Variants in SUPT16H observed in about 807,000 individuals in gnomAD.
SUPT16H encodes FACT complex subunit SPT16.
Under a neutral mutation model 136.2 loss-of-function variants are expected in SUPT16H, and 24 were observed. That is an observed-to-expected ratio of 0.18 (90% CI 0.13 to 0.25). The LOEUF (loss-of-function observed/expected upper bound fraction) is 0.25, where lower values mean the gene tolerates loss of function less well. Among genes scored for constraint, SUPT16H ranks in the 10% least tolerant of loss-of-function variants. The pLI is 1.00. For synonymous variants in SUPT16H, 415 were observed against 428.2 expected (o/e 0.97, Z 0.38); for missense variants, 623 against 1,270.2 (o/e 0.49, Z 7.74).
intron 1 of SUPT16H, among the ~76,000 whole-genome samples, chr14:21,374,876 A>T (rs943189822): frequency 1.3e-5 from 2 of 152,232 alleles, no homozygotes; most frequent in African/African-American, 2.4e-5. Context: ...AGGAATCATC[A>T]GACTGTTTGT....
intron 15 of SUPT16H, among the ~76,000 whole-genome samples, chr14:21,361,608 T>C (rs550848257): frequency 1.1e-4 from 16 of 152,240 alleles, no homozygotes; most frequent in Admixed American, 2.0e-4. Context: ...TGAGCCACCA[T>C]GCATGCCCAT....
At chr14:21,370,648 A>C (rs940271005) in intron 3 of SUPT16H, among the ~76,000 whole-genome samples, 160 bp from the exon 4 acceptor site, 1 of 152,126 alleles carries the variant, frequency 6.6e-6, no homozygotes, top group Non-Finnish European at 1.5e-5. Context: ...GTCTTGTTCT[A>C]CTACCCCCAG....
chr14:21,354,375 ACT>A, intron 23 of SUPT16H, 34 bp downstream of exon 23: 2 of 1,610,542 alleles, frequency 1.2e-6, no homozygotes, highest in South Asian at 2.2e-5. Flanking sequence ...AGCGGGCAAC[ACT>A]GTGTACCAGA....
intron 15 of SUPT16H, among the ~76,000 whole-genome samples, 167 bp downstream of exon 15, chr14:21,362,030 C>A (rs928531766): frequency 6.6e-6 from 1 of 152,118 alleles, no homozygotes; most frequent in Admixed American, 6.6e-5. Context: ...AAATTGGGAT[C>A]CATCCTGAAA....
chr14:21,368,357 A>G lies in SUPT16H; in HGVS notation c.867T>C (p.Thr289=). 6.2e-7 allele frequency: 1 copy of G among 1,614,132 alleles called. No homozygotes were observed. The highest frequency in any genetic ancestry group is 8.5e-7 in the Non-Finnish European group (1 of 1,180,006). The change falls in exon 7 of 26, where the codon ACT becomes ACC. Residue 289 remains threonine, a synonymous_variant. Transcript: ENST00000216297. ...CTTCTTGAGAAGGATCAACCATCAA[A>G]GTGCGAACAAGGTTGGAGCAGTAAG... ...FKSYCSNLVR[T]LMVDPSQEVQ...
chr14:21,359,648 C>T, intron 18 of SUPT16H, 39 bp from the exon 19 acceptor site: 3 of 1,602,534 alleles, frequency 1.9e-6, no homozygotes, highest in Non-Finnish European at 2.6e-6. Context: ...AAGTCAGAAA[C>T]ACAAAGGTAT....
At chr14:21,380,792 G>A (rs1408493477) in intron 1 of SUPT16H, among the ~76,000 whole-genome samples, 1 of 152,022 alleles carries the variant, frequency 6.6e-6, no homozygotes, top group Non-Finnish European at 1.5e-5. Context: ...GATATGCCTG[G>A]ATATTGTACC....
At chr14:21,357,876 CTTTAT>C (rs1325859362) in intron 21 of SUPT16H, 46 bp downstream of exon 21, 9 of 1,536,006 alleles carry the variant, frequency 5.9e-6, no homozygotes, top group Non-Finnish European at 7.2e-6. Flanking sequence ...ACCTATCCTT[CTTTAT>C]TTTCTCTAAC....
At chr14:21,366,996 A>G (rs1886685221) in intron 7 of SUPT16H, among the ~76,000 whole-genome samples, 1 of 151,950 alleles carries the variant, frequency 6.6e-6, no homozygotes, top group Non-Finnish European at 1.5e-5. Flanking sequence ...GCTGGAGTGC[A>G]GTGGCGTGAT....
At chr14:21,370,937 G>C (rs948843501) in intron 3 of SUPT16H, among the ~76,000 whole-genome samples, 3 of 151,960 alleles carry the variant, frequency 2.0e-5, no homozygotes, top group Admixed American at 6.6e-5. Flanking sequence ...CAACATGCCC[G>C]GCTAATTTTT....
chr14:21,378,858 T>G lies in SUPT16H; in HGVS notation c.66+5004A>C, dbSNP rs573351332. 4.6e-5 allele frequency among the ~76,000 whole-genome samples: 7 copies of G among 152,332 alleles called. No individual in the cohort carries two copies. The South Asian group carries it at 1.4e-3, about 32-fold the overall frequency. ...TTAAAAAACTATATCTATTACTGAT[T>G]AAAATAATTTTGAAAGTGAGAGTTA... On this transcript the variant is annotated intron_variant, in intron 1 of 25. Coordinates refer to ENST00000216297, the MANE Select transcript of SUPT16H (RefSeq NM_007192.4).
chr14:21,354,194 T>A (rs1477595320), intron 23 of SUPT16H, among the ~76,000 whole-genome samples: 2 of 152,176 alleles, frequency 1.3e-5, no homozygotes, highest in Non-Finnish European at 2.9e-5. Flanking sequence ...AAGAAACTCA[T>A]TGAGGAAAAG....
intron 15 of SUPT16H, 134 bp from the exon 16 acceptor site, chr14:21,361,347 G>A: frequency 9.5e-7 from 1 of 1,049,566 alleles, no homozygotes; most frequent in Non-Finnish European, 1.4e-6. Flanking sequence ...GACAGGGTGT[G>A]CCTCTGTCAC....
chr14:21,377,576 CTTTT>C (rs771328078), intron 1 of SUPT16H, among the ~76,000 whole-genome samples: 1 of 141,504 alleles, frequency 7.1e-6, no homozygotes, highest in Non-Finnish European at 1.5e-5. Flanking sequence ...TCTATGCATC[CTTTT>C]TTTTTTTTTT....
Position 21,357,249 on chromosome 14 carries a change from T to C in SUPT16H, c.2608A>G (p.Met870Val), listed in dbSNP as rs1594298006. Reference sequence around the variant, plus strand: ...GAGGCTACAGGAATGGCGTTGATCATGGTCACTTTCTTGCTGTAGTCCTTG... The same window carrying C: ...GAGGCTACAGGAATGGCGTTGATCACGGTCACTTTCTTGCTGTAGTCCTTG... ...VYKDYSKKVT[M>V]INAIPVASLD... The change falls in exon 22 of 26, where the codon ATG becomes GTG. Residue 870 changes from methionine to valine, a missense_variant. Transcript: ENST00000216297. The C allele has an allele frequency of 1.9e-6, 3 of 1,612,836 alleles. No homozygotes were observed. Among genetic ancestry groups the C allele is most frequent in the Non-Finnish European group, 2.5e-6 (3 of 1,179,456 alleles).
Position 21,383,997 on chromosome 14 carries a change from G to GCCCAGGAATCCCGCACTCTC in SUPT16H, c.-90_-71dup. On this transcript the variant is annotated 5_prime_UTR_variant, in exon 1 of 26. Transcript: ENST00000216297. ...GTCCCGGCTCAGCCACCCGCTCTCGGCCCAGGAATCCCGCACTCTCCCAAT... is the reference window on the plus strand; with the variant it reads ...GTCCCGGCTCAGCCACCCGCTCTCGGCCCAGGAATCCCGCACTCTCCCCAGGAATCCCGCACTCTCCCAAT... 1 of 1,578,712 alleles carries GCCCAGGAATCCCGCACTCTC rather than the reference G, an allele frequency of 6.3e-7. No homozygotes were observed. Among genetic ancestry groups the GCCCAGGAATCCCGCACTCTC allele is most frequent in the South Asian group, 1.1e-5 (1 of 90,232 alleles).
At chr14:21,377,945 T>A (rs1886939384) in intron 1 of SUPT16H, among the ~76,000 whole-genome samples, 1 of 152,136 alleles carries the variant, frequency 6.6e-6, no homozygotes, top group African/African-American at 2.4e-5. Flanking sequence ...TCTTACGAAG[T>A]TCTTAGAGAA....
chr14:21,368,378 G>A lies in SUPT16H; in HGVS notation c.846C>T (p.Tyr282=). Residue 282 remains tyrosine (Y), a synonymous_variant, in exon 7 of 26, where the codon TAC becomes TAT. Coordinates refer to ENST00000216297, the MANE Select transcript of SUPT16H (RefSeq NM_007192.4). ...TCAMGIRFKS[Y]CSNLVRTLMV... ...TCAAAGTGCGAACAAGGTTGGAGCA[G>A]TAAGACTTGAAGCGAATACCCATGG... 1 of 1,614,108 alleles carries A rather than the reference G, an allele frequency of 6.2e-7. No individual in the cohort carries two copies. Among genetic ancestry groups the A allele is most frequent in the Non-Finnish European group, 8.5e-7 (1 of 1,179,988 alleles).
At chr14:21,381,205 T>C (rs1371338915) in intron 1 of SUPT16H, among the ~76,000 whole-genome samples, 2 of 152,174 alleles carry the variant, frequency 1.3e-5, no homozygotes, top group African/African-American at 2.4e-5. Flanking sequence ...GATACAGGGC[T>C]TAATATTTTT....
Sources: allele counts gnomAD v4.1 joint callset (sites outside exome capture counted in the v4.1 genomes callset), GRCh38; gene constraint gnomAD v4.1.1; transcripts MANE v1.5; gene names NCBI Gene and HGNC (gene_info 2026-07-23, HGNC 2026-07-21).